Variants in MYO16 observed in about 807,000 individuals in gnomAD.
MYO16 encodes the protein unconventional myosin-XVI.
In MYO16, 94 loss-of-function variants were observed where a neutral mutation model predicts 205.3. The ratio of observed to expected loss-of-function variants is 0.46; its 90% CI spans 0.39 to 0.54. The LOEUF is 0.54. Among genes scored for constraint, MYO16 ranks in the 20% least tolerant of loss-of-function variants. The probability of loss-of-function intolerance (pLI) is 0.00; values close to 1 mark genes in which losing one functional copy is unlikely to be tolerated. For synonymous variants in MYO16, 988 were observed against 954.0 expected, an observed-to-expected ratio of 1.04 and a Z score of -0.66; for missense variants, 2,315 against 2,387.5, an observed-to-expected ratio of 0.97 and a Z score of 0.63.
intron 11 of MYO16, among the ~76,000 whole-genome samples, chr13:108,865,249 A>G (rs1878653783): frequency 6.6e-6 from 1 of 152,168 alleles, no homozygotes; most frequent in Non-Finnish European, 1.5e-5. Context: ...ATGAATTACT[A>G]AGAAAAATGG....
At chr13:109,088,662 T>TGCCTGAGAGGCGGC (rs1326698664) in intron 27 of MYO16, among the ~76,000 whole-genome samples, 9 of 152,236 alleles carry the variant, frequency 5.9e-5, no homozygotes, top group East Asian at 1.9e-4. Context: ...GCGGATGCGG[T>TGCCTGAGAGGCGGC]GCCTGAGAGG....
intron 24 of MYO16, 41 bp downstream of exon 24, chr13:109,047,032 C>A: frequency 7.4e-7 from 1 of 1,356,620 alleles, no homozygotes; most frequent in Non-Finnish European, 1.0e-6. Context: ...GGTTAAAATG[C>A]CATGCATCCG....
At chr13:108,758,237 T>C (rs925813182) in intron 4 of MYO16, among the ~76,000 whole-genome samples, 1 of 152,372 alleles carries the variant, frequency 6.6e-6, no homozygotes, top group Middle Eastern at 3.4e-3. Context: ...TATTTTGCTA[T>C]AGTAGTCTGA....
chr13:108,828,995 G>A (rs1876447378), intron 9 of MYO16, among the ~76,000 whole-genome samples: 2 of 152,160 alleles, frequency 1.3e-5, no homozygotes, highest in Admixed American at 6.5e-5. Context: ...AGTTTTGTAA[G>A]CCATTCTAGT....
At chr13:108,864,859 A>G (rs1417822679) in intron 11 of MYO16, among the ~76,000 whole-genome samples, 3 of 152,128 alleles carry the variant, frequency 2.0e-5, no homozygotes, top group Non-Finnish European at 4.4e-5. Context: ...ATGTACATAC[A>G]CTTAGTGAAA....
intron 23 of MYO16, among the ~76,000 whole-genome samples, chr13:109,021,490 G>C (rs113807624): frequency 0.017 from 2,571 of 152,298 alleles, 74 homozygotes; most frequent in African/African-American, 0.059. Context: ...AGCAGCAGCA[G>C]TGTGGTTTTC....
intron 22 of MYO16, among the ~76,000 whole-genome samples, chr13:109,012,250 C>G (rs1594468158): frequency 1.3e-5 from 2 of 152,230 alleles, no homozygotes; most frequent in South Asian, 4.1e-4. Context: ...CAGACCAGTA[C>G]TGGTCCACGG....
chr13:108,632,819 C>T (rs1442762969), intron 1 of MYO16, among the ~76,000 whole-genome samples: 1 of 152,032 alleles, frequency 6.6e-6, no homozygotes, highest in African/African-American at 2.4e-5. Context: ...ATGAACATGA[C>T]CAGGCCCCAG....
At chr13:109,069,105 TA>T (rs1236595938) in intron 27 of MYO16, among the ~76,000 whole-genome samples, 1 of 152,196 alleles carries the variant, frequency 6.6e-6, no homozygotes, top group African/African-American at 2.4e-5. Context: ...AGAGCAGTTC[TA>T]ATAATAAAAT....
chr13:108,516,039 G>T, the MYO16 span, among the ~76,000 whole-genome samples: 1 of 142,294 alleles, frequency 7.0e-6, no homozygotes, highest in East Asian at 2.2e-4. Flanking sequence ...GTTTACCTAA[G>T]CAAGCCTGGG....
In MYO16 at chr13:109,206,508, C is replaced by T. The variant is rs540830097; in HGVS notation, c.5416-101C>T. ...TGAGGAAAGAGGCTGCCTCTTTCAG[C>T]ACCAGTCCTGCCCCTTTGTATCCAG... On this transcript the variant is annotated intron_variant, in intron 34 of 34. Coordinates refer to ENST00000457511, the MANE Select transcript of MYO16 (RefSeq NM_001198950.3). 1.3e-5 allele frequency: 11 copies of T among 868,186 alleles called. No homozygotes were observed. The African/African-American group carries it at 1.5e-4, about 12-fold the overall frequency. The allele number at this position is 868,186 out of a possible 1,614,324, so 53.8% of individuals were successfully genotyped here.
At chr13:108,550,814 ATTATT>A in the MYO16 span, among the ~76,000 whole-genome samples, 1 of 152,172 alleles carries the variant, frequency 6.6e-6, no homozygotes, top group Non-Finnish European at 1.5e-5. Flanking sequence ...AAAGCATTAT[ATTATT>A]TTATTTTTTC....
chr13:109,085,367 C>T (rs1888406496), intron 27 of MYO16, among the ~76,000 whole-genome samples: 3 of 152,190 alleles, frequency 2.0e-5, no homozygotes, highest in South Asian at 4.2e-4. Context: ...CATAAACTTT[C>T]GAGATGTTTA....
chr13:108,533,874 G>T, the MYO16 span, among the ~76,000 whole-genome samples: 2 of 151,980 alleles, frequency 1.3e-5, no homozygotes, highest in African/African-American at 4.8e-5. Flanking sequence ...AACATATATA[G>T]CACCCTGCAA....
intron 16 of MYO16, among the ~76,000 whole-genome samples, chr13:108,937,596 T>C (rs1284761564): frequency 6.6e-6 from 1 of 152,188 alleles, no homozygotes; most frequent in Admixed American, 6.5e-5. Context: ...GCCAGCTGTG[T>C]TAGCTCAAAA....
chr13:108,679,448 A>G (rs1882365788), intron 2 of MYO16, among the ~76,000 whole-genome samples: 1 of 152,190 alleles, frequency 6.6e-6, no homozygotes, highest in Non-Finnish European at 1.5e-5. Flanking sequence ...CCTGGCTTCT[A>G]GAACAACGAC....
At chr13:108,809,041 C>A (rs1483897108) in intron 7 of MYO16, among the ~76,000 whole-genome samples, 1 of 152,194 alleles carries the variant, frequency 6.6e-6, no homozygotes, top group Non-Finnish European at 1.5e-5. Context: ...AAAATCTGTT[C>A]TTTCAAATTA....
chr13:108,753,981 T>C (rs1042362420), intron 4 of MYO16, among the ~76,000 whole-genome samples: 5 of 152,236 alleles, frequency 3.3e-5, no homozygotes, highest in African/African-American at 9.6e-5. Context: ...TGCATTTATA[T>C]AATAAATAAG....
chr13:108,644,737 A>AGCTT (rs1880677115), intron 1 of MYO16, among the ~76,000 whole-genome samples: 5 of 152,278 alleles, frequency 3.3e-5, no homozygotes, highest in Non-Finnish European at 4.4e-5. Flanking sequence ...TATTTAAATA[A>AGCTT]TTAGCTTTCG....
Sources: allele counts gnomAD v4.1 joint callset (sites outside exome capture counted in the v4.1 genomes callset), GRCh38; gene constraint gnomAD v4.1.1; transcripts MANE v1.5; gene names NCBI Gene and HGNC (gene_info 2026-07-23, HGNC 2026-07-21).